The following UBAC2 variants were observed in gnomAD, a reference collection of about 807,000 sequenced individuals.
UBAC2 encodes ubiquitin-associated domain-containing protein 2.
In UBAC2, 26 loss-of-function variants were observed where a neutral mutation model predicts 44.0. The observed-to-expected ratio is 0.59, with a 90% CI of 0.43 to 0.82. The LOEUF (loss-of-function observed/expected upper bound fraction) is 0.82. Among genes scored for constraint, UBAC2 ranks in the 40% least tolerant of loss-of-function variants. The pLI is 0.00. For synonymous variants in UBAC2, 155 were observed against 154.3 expected (o/e 1.00, Z -0.04); for missense variants, 329 against 419.4 (o/e 0.78, Z 1.88).
At chr13:99,234,458 G>T (rs918226141) in intron 1 of UBAC2, 2 of 175,076 alleles carry the variant, frequency 1.1e-5, no homozygotes, top group Non-Finnish European at 2.5e-5. Flanking sequence ...CCAAAGTGCT[G>T]GGATTACAGG....
intron 4 of UBAC2, among the ~76,000 whole-genome samples, chr13:99,280,872 A>G (rs1225873339): frequency 4.1e-5 from 6 of 147,830 alleles, no homozygotes; most frequent in Non-Finnish European, 7.4e-5. Context: ...TCAGTAAGCT[A>G]CCTCAAATCT....
intron 4 of UBAC2, among the ~76,000 whole-genome samples, chr13:99,311,641 A>G (rs552681773): frequency 6.6e-6 from 1 of 152,372 alleles, no homozygotes; most frequent in Admixed American, 6.5e-5. Context: ...TAGATAAAAT[A>G]TGATGCTTTC....
chr13:99,228,784 G>A lies in UBAC2; in HGVS notation c.32-9643G>A, dbSNP rs924074139. Among the ~76,000 whole-genome samples the A allele has an allele frequency of 1.3e-5, 2 of 152,176 alleles. 1 individual carries two copies. Among genetic ancestry groups the A allele is most frequent in the Admixed American group, 1.3e-4 (2 of 15,280 alleles). On this transcript the variant is annotated intron_variant, in intron 1 of 8. Transcript: ENST00000403766. ...CAATGAGGAACTCGGTTAGATTTTA[G>A]ATTCCGTGGAGCCTTGTTTGCATTT...
intron 1 of UBAC2, among the ~76,000 whole-genome samples, chr13:99,211,131 A>T (rs1172975664): frequency 2.6e-5 from 4 of 152,250 alleles, no homozygotes; most frequent in African/African-American, 9.6e-5. Context: ...CAGCAATTTA[A>T]GGGAGAAAAG....
At chr13:99,261,181 C>T (rs2043655768) in intron 4 of UBAC2, among the ~76,000 whole-genome samples, 1 of 152,196 alleles carries the variant, frequency 6.6e-6, no homozygotes, top group African/African-American at 2.4e-5. Context: ...ACTGTTGTTA[C>T]TGTTCATGTA....
intron 1 of UBAC2, among the ~76,000 whole-genome samples, chr13:99,225,425 G>A (rs1047648408): frequency 2.6e-5 from 4 of 152,124 alleles, no homozygotes; most frequent in Non-Finnish European, 4.4e-5. Flanking sequence ...TTTTGTGACC[G>A]GCTTATTTCA....
At chr13:99,304,890 G>A (rs1375140897) in intron 4 of UBAC2, among the ~76,000 whole-genome samples, 1 of 152,206 alleles carries the variant, frequency 6.6e-6, no homozygotes, top group Non-Finnish European at 1.5e-5. Flanking sequence ...AAGTAAAATA[G>A]GAAGGCATCT....
chr13:99,341,390 T>A (rs1224243678), intron 7 of UBAC2, among the ~76,000 whole-genome samples: 18 of 88,022 alleles, frequency 2.0e-4, no homozygotes, highest in Non-Finnish European at 3.5e-4. Context: ...AGAGTCCCAT[T>A]GGAGATGCAG....
intron 4 of UBAC2, among the ~76,000 whole-genome samples, chr13:99,257,884 A>G (rs2043593861): frequency 6.6e-6 from 1 of 152,346 alleles, no homozygotes. Context: ...ATGTGGAAAG[A>G]TGATTATATA....
chr13:99,325,259 T>A (rs1342371929), intron 6 of UBAC2, among the ~76,000 whole-genome samples: 1 of 151,974 alleles, frequency 6.6e-6, no homozygotes, highest in Non-Finnish European at 1.5e-5. Flanking sequence ...CCTGTCACCA[T>A]GCCCAGCTAA....
At chr13:99,231,254 A>G (rs985566906) in intron 1 of UBAC2, among the ~76,000 whole-genome samples, 6 of 152,142 alleles carry the variant, frequency 3.9e-5, no homozygotes, top group Non-Finnish European at 7.4e-5. Flanking sequence ...CTTCCTGTTG[A>G]TAAGTTCACC....
chr13:99,339,182 C>T (rs1022888210), intron 6 of UBAC2, among the ~76,000 whole-genome samples: 3 of 152,184 alleles, frequency 2.0e-5, no homozygotes, highest in Non-Finnish European at 4.4e-5. Flanking sequence ...GCTCGGGCTG[C>T]GCAGCATCTG....
intron 1 of UBAC2, among the ~76,000 whole-genome samples, chr13:99,229,449 T>C (rs2043148677): frequency 6.6e-6 from 1 of 152,212 alleles, no homozygotes; most frequent in Non-Finnish European, 1.5e-5. Flanking sequence ...CAGCAAAGGC[T>C]CCTGAGAACA....
intron 1 of UBAC2, among the ~76,000 whole-genome samples, chr13:99,233,487 G>C (rs912018822): frequency 1.3e-5 from 2 of 152,144 alleles, no homozygotes; most frequent in Admixed American, 6.5e-5. Context: ...TCTTGGGCAG[G>C]GCGGGTATAG....
intron 6 of UBAC2, among the ~76,000 whole-genome samples, chr13:99,331,122 T>C (rs544922226): frequency 6.6e-6 from 1 of 152,366 alleles, no homozygotes; most frequent in South Asian, 2.1e-4. Context: ...ATCCTTCGCC[T>C]CTCAGTCTGA....
chr13:99,368,693 G>A (rs999370483), intron 8 of UBAC2, among the ~76,000 whole-genome samples: 1 of 112,284 alleles, frequency 8.9e-6, no homozygotes, highest in African/African-American at 3.6e-5. Context: ...GAGAGAGTGT[G>A]TGTGTGTGTG....
At chr13:99,304,760 A>G (rs1381857902) in intron 4 of UBAC2, among the ~76,000 whole-genome samples, 1 of 152,256 alleles carries the variant, frequency 6.6e-6, no homozygotes, top group Non-Finnish European at 1.5e-5. Context: ...TTAAGTGACC[A>G]AAGACCTAGC....
chr13:99,276,565 T>C (rs942402705), intron 4 of UBAC2, among the ~76,000 whole-genome samples: 1 of 152,220 alleles, frequency 6.6e-6, no homozygotes, highest in African/African-American at 2.4e-5. Flanking sequence ...TCTCAGCACT[T>C]CCATGTATTC....
chr13:99,360,653 G>C (rs2045253444), intron 7 of UBAC2, among the ~76,000 whole-genome samples: 1 of 152,160 alleles, frequency 6.6e-6, no homozygotes, highest in Non-Finnish European at 1.5e-5. Flanking sequence ...AAAATGCCTT[G>C]CTTGCTCTCT....
Sources: gnomAD v4.1 joint callset for allele counts (sites outside exome capture counted in the v4.1 genomes callset) on GRCh38, gnomAD v4.1.1 for gene constraint, MANE v1.5 for transcripts, NCBI Gene and HGNC (gene_info 2026-07-23, HGNC 2026-07-21) for gene names.